Variants in MYLK3 observed in about 807,000 individuals in gnomAD.
MYLK3 encodes the protein myosin light chain kinase 3.
A neutral mutation model predicts 76.3 loss-of-function variants in MYLK3; 55 were observed. The ratio of observed to expected loss-of-function variants is 0.72; its 90% CI spans 0.58 to 0.90. MYLK3 has a LOEUF of 0.90. Among genes scored for constraint, MYLK3 ranks in the 40% least tolerant of loss-of-function variants. The pLI is 0.00. For missense variants in MYLK3, 973 were observed against 1,053.6 expected, an observed-to-expected ratio of 0.92 and a Z score of 1.06; for synonymous variants, 416 against 425.4, an observed-to-expected ratio of 0.98 and a Z score of 0.27.
chr16:46,702,603 G>C lies in MYLK3; in HGVS notation c.*5101C>G. Among the ~76,000 whole-genome samples the C allele has an allele frequency of 6.6e-6, 1 of 152,164 alleles. No individual in the cohort carries two copies. The highest frequency in any genetic ancestry group is 1.5e-5 in the Non-Finnish European group (1 of 68,030). On this transcript the variant is annotated 3_prime_UTR_variant, in exon 13 of 13. Transcript: ENST00000394809. ...CAACACAAGGTTCACACTTGACATT[G>C]AGTTGTGAATTTTTAATTATAAATG...
chr16:46,710,925 C>A, intron 10 of MYLK3, 136 bp from the exon 11 acceptor site: 1 of 933,048 alleles, frequency 1.1e-6, no homozygotes. Context: ...ACCTCCACTA[C>A]TTCTCCACAG....
chr16:46,747,767 G>A lies in MYLK3; in HGVS notation c.427C>T (p.Gln143Ter). The A allele has an allele frequency of 1.2e-6, 2 of 1,614,174 alleles. No individual in the cohort carries two copies. Among genetic ancestry groups the A allele is most frequent in the Non-Finnish European group, 1.7e-6 (2 of 1,180,030 alleles). The part of the protein sequence containing the change: ...QKSKVADFLM[Q>*]GRVPWRRGSP... ...CCTCTCCTCCAGGGCACACGCCCCT[G>A]CATGAGGAAATCCGCCACCTTTGAT... is the stretch of plus-strand genomic sequence containing the variant. The change falls in exon 1 of 13, where the codon CAG (glutamine) becomes TAG (stop). Residue 143 changes from glutamine (Q) to a stop codon, truncating the protein, a stop_gained. Coordinates refer to ENST00000394809, the MANE Select transcript of MYLK3 (RefSeq NM_182493.3). LOFTEE classifies it high-confidence loss of function.
upstream of MYLK3, among the ~76,000 whole-genome samples, chr16:46,749,203 G>C (rs1336912463): frequency 2.0e-5 from 3 of 152,242 alleles, no homozygotes; most frequent in Non-Finnish European, 4.4e-5. Context: ...TTACCCCCGA[G>C]GTGGGGCACA....
Position 46,737,910 on chromosome 16 carries a change from G to A in MYLK3, c.802C>T (p.Pro268Ser). ...LRTGLELAPA[P>S]GRVNVVSPSL... ...GGGGAGACCACATTGACCCTGCCGG[G>A]TGCTGGAGCCAATTCCAGGCCAGTC... The change falls in exon 3 of 13, where the codon CCC becomes TCC. Residue 268 changes from proline to serine, a missense_variant. Pro to Ser is a moderately conservative substitution (Grantham distance 74, BLOSUM62 -1). Transcript: ENST00000394809. The A allele has an allele frequency of 6.2e-7, 1 of 1,614,198 alleles. No homozygotes were observed. The highest frequency in any genetic ancestry group is 8.5e-7 in the Non-Finnish European group (1 of 1,180,018).
chr16:46,711,654 G>A (rs1419448982), intron 10 of MYLK3: 1 of 441,346 alleles, frequency 2.3e-6, no homozygotes, highest in South Asian at 1.6e-5. Context: ...GGGATTATAG[G>A]CATGATCCAG....
intron 9 of MYLK3, among the ~76,000 whole-genome samples, chr16:46,720,182 T>A (rs750269050): frequency 6.6e-6 from 1 of 152,136 alleles, no homozygotes; most frequent in Non-Finnish European, 1.5e-5. Context: ...CATCTCAAAA[T>A]AATAATAAAT....
At chr16:46,720,999 C>A in intron 9 of MYLK3, 124 bp downstream of exon 9, 2 of 864,264 alleles carry the variant, frequency 2.3e-6, no homozygotes, top group South Asian at 1.5e-5. Flanking sequence ...AGCTTCTGCA[C>A]ACAAGAGCTT....
At position 46,737,798 on chromosome 16, in the gene MYLK3, G is replaced by C; in HGVS notation, c.914C>G (p.Thr305Ser). 6.2e-7 allele frequency: 1 copy of C among 1,612,492 alleles called. No individual in the cohort carries two copies. Among genetic ancestry groups the C allele is most frequent in the African/African-American group, 1.3e-5 (1 of 75,016 alleles). Residue 305 changes from threonine to serine, a missense_variant, in exon 3 of 13, where the codon ACT (threonine) becomes AGT (serine). Transcript: ENST00000394809. Reference protein sequence around the residue: ...PEPLEEGTRLTPGPGPQCPGP... With the variant: ...PEPLEEGTRLSPGPGPQCPGP... Reference sequence around the variant, plus strand: ...TGGGCACTGAGGGCCAGGCCCTGGAGTCAGCCTCGTGCCTTCCTCTAAGGG... The same window carrying C: ...TGGGCACTGAGGGCCAGGCCCTGGACTCAGCCTCGTGCCTTCCTCTAAGGG...
intron 1 of MYLK3, among the ~76,000 whole-genome samples, chr16:46,756,809 C>T (rs1022646131): frequency 3.3e-5 from 5 of 152,186 alleles, no homozygotes; most frequent in Non-Finnish European, 7.3e-5. Flanking sequence ...TGGACATTAA[C>T]GTAAGCAAAA....
chr16:46,758,764 C>T (rs1019738837), intron 1 of MYLK3, among the ~76,000 whole-genome samples: 3 of 152,166 alleles, frequency 2.0e-5, no homozygotes, highest in African/African-American at 7.2e-5. Context: ...ATGGTAAAAC[C>T]ATTGCCCTTG....
chr16:46,702,440 C>A lies in MYLK3; in HGVS notation c.*5264G>T, dbSNP rs1277953117. Among the ~76,000 whole-genome samples the A allele has an allele frequency of 1.3e-5, 2 of 152,142 alleles. No homozygotes were observed. Among genetic ancestry groups the A allele is most frequent in the Non-Finnish European group, 2.9e-5 (2 of 68,026 alleles). On this transcript the variant is annotated 3_prime_UTR_variant, in exon 13 of 13. Coordinates refer to ENST00000394809, the MANE Select transcript of MYLK3 (RefSeq NM_182493.3). The stretch of plus-strand genomic sequence containing the variant: ...ATGTTGCCATACTTGCTTAACTATA[C>A]CTTCCTTTTTCTCTGAAGTCATCTA...
rs759369996 is a variant in MYLK3 at position 46,738,147 on chromosome 16, C to T, written c.569-4G>A. ...AGCACGTCCGCCTTCTGGCTCTCTA[C>T]AGGAAAACAGGCAGGACAAAAATGC... On this transcript the variant is annotated splice_region_variant and splice_polypyrimidine_tract_variant and intron_variant, in intron 2 of 12. Coordinates refer to ENST00000394809, the MANE Select transcript of MYLK3 (RefSeq NM_182493.3). The T allele has an allele frequency of 2.6e-6, 4 of 1,511,278 alleles. No individual in the cohort carries two copies. Among genetic ancestry groups the T allele is most frequent in the East Asian group, 4.6e-5 (2 of 43,634 alleles). 93.6% of individuals were successfully genotyped at this position (1,511,278 alleles called of 1,614,324 possible). A position where few individuals can be genotyped will look rare whatever the true frequency, so the allele number is the denominator to read the frequency against.
chr16:46,719,484 A>C (rs1966777859), intron 9 of MYLK3, among the ~76,000 whole-genome samples: 2 of 152,308 alleles, frequency 1.3e-5, no homozygotes, highest in South Asian at 2.1e-4. Context: ...CCAAATGCCA[A>C]GGGTCTGCTA....
At chr16:46,734,812 G>A (rs1004958723) in intron 3 of MYLK3, among the ~76,000 whole-genome samples, 4 of 152,130 alleles carry the variant, frequency 2.6e-5, no homozygotes, top group Non-Finnish European at 4.4e-5. Context: ...ACAACAACGT[G>A]AATATACTTA....
intron 9 of MYLK3, among the ~76,000 whole-genome samples, chr16:46,716,639 C>T (rs1444640733): frequency 6.6e-6 from 1 of 152,060 alleles, no homozygotes; most frequent in East Asian, 1.9e-4. Flanking sequence ...GTCCTTCTTT[C>T]ACCTGCCCAA....
intron 8 of MYLK3, among the ~76,000 whole-genome samples, chr16:46,724,860 G>A (rs1344611217): frequency 5.3e-5 from 8 of 152,082 alleles, no homozygotes; most frequent in Admixed American, 5.2e-4. Context: ...GGATTATGTT[G>A]AATCTATAGA....
intron 3 of MYLK3, 25 bp downstream of exon 3, chr16:46,737,686 C>A: frequency 6.4e-7 from 1 of 1,571,130 alleles, no homozygotes. Context: ...CCCTCCCTCA[C>A]CCAGCCTGGA....
At chr16:46,753,139 C>T (rs1445884675), upstream of MYLK3, among the ~76,000 whole-genome samples, 1 of 152,196 alleles carries the variant, frequency 6.6e-6, no homozygotes, top group Non-Finnish European at 1.5e-5. Flanking sequence ...AAGGTGAATA[C>T]AGATACAGGC....
At chr16:46,729,419 AG>A (rs769065070) in intron 6 of MYLK3, among the ~76,000 whole-genome samples, 174 bp downstream of exon 6, 6 of 152,082 alleles carry the variant, frequency 3.9e-5, no homozygotes, top group Non-Finnish European at 8.8e-5. Flanking sequence ...CTGCGCATGG[AG>A]GGTGGGTCTG....
Sources: allele counts gnomAD v4.1 joint callset (sites outside exome capture counted in the v4.1 genomes callset), GRCh38; gene constraint gnomAD v4.1.1; transcripts MANE v1.5; gene names NCBI Gene and HGNC (gene_info 2026-07-23, HGNC 2026-07-21).